HEMK1: variants seen among roughly 807,000 people sequenced by gnomAD.
HEMK1 encodes the protein HemK methyltransferase 1, mitochondrial release factors N(5)-glutamine, also known as MTRF1L release factor glutamine methyltransferase.
HEMK1 carries 36 observed loss-of-function variants against 47.9 expected under a neutral mutation model. That is an observed-to-expected ratio of 0.75 (90% CI 0.58 to 0.99). The LOEUF (loss-of-function observed/expected upper bound fraction) is 0.99, where lower values mean the gene tolerates loss of function less well. Ranked by LOEUF, HEMK1 falls within the 50% of genes least tolerant of loss-of-function variation. The probability of loss-of-function intolerance (pLI) is 0.00; values close to 1 mark genes in which losing one functional copy is unlikely to be tolerated. For synonymous variants in HEMK1, 153 were observed against 165.4 expected, an observed-to-expected ratio of 0.93 and a Z score of 0.57; for missense variants, 383 against 434.5, an observed-to-expected ratio of 0.88 and a Z score of 1.05.
rs2031640179 is a variant in HEMK1, at chr3:50,590,054, G to A, written c.*9637G>A. The stretch of plus-strand genomic sequence containing the variant: ...ACAAAAATTAGCTGGGTGTGGTGGT[G>A]GACACCTGTAATCCCAGCTACTCGG... On this transcript the variant is annotated 3_prime_UTR_variant, in exon 11 of 11. Coordinates refer to ENST00000232854, the MANE Select transcript of HEMK1 (RefSeq NM_016173.5). 6.7e-6 allele frequency: 1 copy of A among 148,696 alleles called. No individual in the cohort carries two copies. The highest frequency in any genetic ancestry group is 2.5e-5 in the African/African-American group (1 of 40,100). The allele number at this position is 148,696 out of a possible 1,614,324, so 9.2% of individuals were successfully genotyped here.
chr3:50,584,400 A>G lies in HEMK1; in HGVS notation c.*3983A>G, dbSNP rs1001194228. ...ATCACCTAAACCTTAACATGTGACT[A>G]TATTACCTTCACATAGCAAAATGGA... On this transcript the variant is annotated 3_prime_UTR_variant, in exon 11 of 11. Transcript: ENST00000232854. 2.0e-5 allele frequency: 3 copies of G among 152,268 alleles called. No individual in the cohort carries two copies. Among genetic ancestry groups the G allele is most frequent in the Admixed American group, 6.5e-5 (1 of 15,280 alleles). The allele number at this position is 152,268 out of a possible 1,614,324, so 9.4% of individuals were successfully genotyped here.
In HEMK1 at chr3:50,593,195, GCCTGGCTTAGGAAC is replaced by G. The variant is rs1225402428; in HGVS notation, c.*12783_*12796del. The G allele has an allele frequency of 2.0e-5, 3 of 152,312 alleles. No homozygotes were observed. The highest frequency in any genetic ancestry group is 7.2e-5 in the African/African-American group (3 of 41,434). The allele number at this position is 152,312 out of a possible 1,614,324, so 9.4% of individuals were successfully genotyped here. On this transcript the variant is annotated 3_prime_UTR_variant, in exon 11 of 11. Transcript: ENST00000232854. The stretch of plus-strand genomic sequence containing the variant: ...CTCCCACTCCCGATGGGAGCCTCAG[GCCTGGCTTAGGAAC>G]CCTGCCCACAGCTGTACTAATGCCC...
At chr3:50,576,958 C>G in intron 4 of HEMK1, 94 bp from the exon 5 acceptor site, 2 of 1,482,208 alleles carry the variant, frequency 1.3e-6, no homozygotes, top group Non-Finnish European at 1.8e-6. Context: ...CCTCCCCTTC[C>G]TACGTTCACA....
At position 50,580,492 on chromosome 3, in the gene HEMK1, C is replaced by G; in HGVS notation, c.*75C>G. The G allele has an allele frequency of 6.9e-7, 1 of 1,452,474 alleles. No individual in the cohort carries two copies. The highest frequency in any genetic ancestry group is 9.6e-7 in the Non-Finnish European group (1 of 1,039,074). 90.0% of individuals were successfully genotyped at this position (1,452,474 alleles called of 1,614,324 possible). On this transcript the variant is annotated 3_prime_UTR_variant, in exon 11 of 11. Coordinates refer to ENST00000232854, the MANE Select transcript of HEMK1 (RefSeq NM_016173.5). The stretch of plus-strand genomic sequence containing the variant: ...GGAGGTGGATGGCACTTTCCAGAGC[C>G]CAGGTTCTTATGGCATTTCCCAGGG...
At chr3:50,580,356 C>A (rs1192434492) in intron 10 of HEMK1, 25 bp from the exon 11 acceptor site, 5 of 1,613,968 alleles carry the variant, frequency 3.1e-6, no homozygotes, top group Non-Finnish European at 4.2e-6. Context: ...CAGGTGGTAA[C>A]CAGCCCCTGT....
chr3:50,575,060 G>C (rs1323370710), intron 4 of HEMK1, among the ~76,000 whole-genome samples: 1 of 152,162 alleles, frequency 6.6e-6, no homozygotes, highest in East Asian at 1.9e-4. Context: ...TGGCATTGGG[G>C]TGTGGGGGAG....
At position 50,577,554 on chromosome 3, in the gene HEMK1, A is replaced by G. The variant is rs770971702; in HGVS notation, c.595A>G (p.Thr199Ala). 16 of 1,613,986 alleles carry G rather than the reference A, an allele frequency of 9.9e-6. No individual in the cohort carries two copies. The South Asian group carries it at 1.8e-4, about 18-fold the overall frequency. Residue 199 changes from threonine (T) to alanine (A), a missense_variant, in exon 6 of 11, where the codon ACC becomes GCC. By Grantham distance (58) the Thr-to-Ala change is moderately conservative. Transcript: ENST00000232854. ...VDKREAAISLTHENAQRLRLQ... is the reference protein window; with the variant it reads ...VDKREAAISLAHENAQRLRLQ... ...TAAGCGGGAAGCTGCTATCTCTCTG[A>G]CCCATGAGAATGCTCAGAGGTAGGT...
chr3:50,573,201 G>A (rs1291007904), intron 4 of HEMK1, among the ~76,000 whole-genome samples: 4 of 152,138 alleles, frequency 2.6e-5, no homozygotes, highest in African/African-American at 9.7e-5. Flanking sequence ...TGAAGTCACA[G>A]GGCTGTCAAG....
chr3:50,580,515 G>C lies in HEMK1; in HGVS notation c.*98G>C, dbSNP rs1559463732. ...GCCCAGGTTCTTATGGCATTTCCCA[G>C]GGTTCTGTGATTTCCCCATGCTCTG... On this transcript the variant is annotated 3_prime_UTR_variant, in exon 11 of 11. Coordinates refer to ENST00000232854, the MANE Select transcript of HEMK1 (RefSeq NM_016173.5). 1 of 1,248,040 alleles carries C rather than the reference G, an allele frequency of 8.0e-7. No homozygotes were observed. The highest frequency in any genetic ancestry group is 1.5e-5 in the African/African-American group (1 of 67,134). The allele number at this position is 1,248,040 out of a possible 1,614,324, so 77.3% of individuals were successfully genotyped here.
At chr3:50,576,226 A>T (rs1208378117) in intron 4 of HEMK1, among the ~76,000 whole-genome samples, 1 of 152,156 alleles carries the variant, frequency 6.6e-6, no homozygotes, top group Non-Finnish European at 1.5e-5. Context: ...CTGGGGACAC[A>T]CCAGCTCCTG....
rs561132240 is a variant in HEMK1 at position 50,594,752 on chromosome 3, G to A, written c.*14335G>A. ...GGGACAACCGTGGCTTGTGTTTTCTGCCAGCTCCCAACTGAAGACTGAGCC... is the reference window on the plus strand; with the variant it reads ...GGGACAACCGTGGCTTGTGTTTTCTACCAGCTCCCAACTGAAGACTGAGCC... On this transcript the variant is annotated 3_prime_UTR_variant, in exon 11 of 11. Transcript: ENST00000232854. 6.6e-6 allele frequency: 1 copy of A among 152,298 alleles called. No homozygotes were observed. Among genetic ancestry groups the A allele is most frequent in the Admixed American group, 6.5e-5 (1 of 15,302 alleles). 9.4% of individuals were successfully genotyped at this position (152,298 alleles called of 1,614,324 possible).
In HEMK1 at chr3:50,584,017, A is replaced by T. The variant is rs1034809819; in HGVS notation, c.*3600A>T. The stretch of plus-strand genomic sequence containing the variant: ...TGGCCCACATCTGACCTGGCAGCCC[A>T]TGTATTCCGGTCATTAGGGATGGGA... On this transcript the variant is annotated 3_prime_UTR_variant, in exon 11 of 11. Transcript: ENST00000232854. The T allele has an allele frequency of 6.6e-6, 1 of 152,208 alleles. No homozygotes were observed. The highest frequency in any genetic ancestry group is 1.5e-5 in the Non-Finnish European group (1 of 68,046). The allele number at this position is 152,208 out of a possible 1,614,324, so 9.4% of individuals were successfully genotyped here.
chr3:50,580,042 C>T (rs2030546265), intron 9 of HEMK1, 74 bp from the exon 10 acceptor site: 14 of 1,532,834 alleles, frequency 9.1e-6, no homozygotes, highest in Admixed American at 5.0e-5. Flanking sequence ...ACCCTCACCT[C>T]GCCAGCCCAA....
At position 50,571,343 on chromosome 3, in the gene HEMK1, G is replaced by A. The variant is rs992734626; in HGVS notation, c.228+11G>A. 5.1e-6 allele frequency: 8 copies of A among 1,559,972 alleles called. No homozygotes were observed. Among genetic ancestry groups the A allele is most frequent in the Admixed American group, 3.6e-5 (2 of 54,826 alleles). ...CTTGGAGCCAAAACAGTTAAGTTTA[G>A]TGTTGTCAAGAGGACAGGAAGAGGG... On this transcript the variant is annotated intron_variant, in intron 2 of 10. Transcript: ENST00000232854.
Position 50,588,868 on chromosome 3 carries a change from A to C in HEMK1, c.*8451A>C, listed in dbSNP as rs1575971097. Reference sequence around the variant, plus strand: ...CTTGTTGAAGGCACTCCACAGCTCAATAACTGACCATTGCTCACTACTCTC... The same window carrying C: ...CTTGTTGAAGGCACTCCACAGCTCACTAACTGACCATTGCTCACTACTCTC... On this transcript the variant is annotated 3_prime_UTR_variant, in exon 11 of 11. Coordinates refer to ENST00000232854, the MANE Select transcript of HEMK1 (RefSeq NM_016173.5). 1 of 152,204 alleles carries C rather than the reference A, an allele frequency of 6.6e-6. No individual in the cohort carries two copies. Among genetic ancestry groups the C allele is most frequent in the East Asian group, 1.9e-4 (1 of 5,196 alleles). The allele number at this position is 152,204 out of a possible 1,614,324, so 9.4% of individuals were successfully genotyped here.
intron 2 of HEMK1, 50 bp downstream of exon 2, chr3:50,571,382 TG>T: frequency 7.2e-7 from 1 of 1,381,100 alleles, no homozygotes; most frequent in Non-Finnish European, 1.0e-6. Context: ...AGGGAGGACT[TG>T]GGGAAGGGAT....
rs2107534894 is a variant in HEMK1, at chr3:50,588,283, C to T, written c.*7866C>T. 6.6e-6 allele frequency: 1 copy of T among 152,366 alleles called. No homozygotes were observed. The highest frequency in any genetic ancestry group is 3.4e-3 in the Middle Eastern group (1 of 294). The allele number at this position is 152,366 out of a possible 1,614,324, so 9.4% of individuals were successfully genotyped here. A position where few individuals can be genotyped will look rare whatever the true frequency, so the allele number is the denominator to read the frequency against. ...CTGTTGGCACATCAGGGATCCCTTC[C>T]TTGGCCCACTGTATGGATGAAGGGA... On this transcript the variant is annotated 3_prime_UTR_variant, in exon 11 of 11. Transcript: ENST00000232854.
At position 50,571,052 on chromosome 3, in the gene HEMK1, C is replaced by T. The variant is rs977980344; in HGVS notation, c.-53C>T. 1 of 1,406,914 alleles carries T rather than the reference C, an allele frequency of 7.1e-7. No individual in the cohort carries two copies. The highest frequency in any genetic ancestry group is 9.7e-7 in the Non-Finnish European group (1 of 1,028,002). The allele number at this position is 1,406,914 out of a possible 1,614,324, so 87.2% of individuals were successfully genotyped here. On this transcript the variant is annotated 5_prime_UTR_variant, in exon 2 of 11. Transcript: ENST00000232854. Reference sequence around the variant, plus strand: ...CAGCACTCACCTCAGCAGCTGACATCATAAAGCAGACTTGGGAACCTGGAA... The same window carrying T: ...CAGCACTCACCTCAGCAGCTGACATTATAAAGCAGACTTGGGAACCTGGAA...
Position 50,591,024 on chromosome 3 carries a change from C to T in HEMK1, c.*10607C>T, listed in dbSNP as rs940201276. On this transcript the variant is annotated 3_prime_UTR_variant, in exon 11 of 11. Coordinates refer to ENST00000232854, the MANE Select transcript of HEMK1 (RefSeq NM_016173.5). Reference sequence around the variant, plus strand: ...TGTCTTCCTTCCGCTTAGTCACAGCCAAGAGCTCAGTACCTCAGCCTCCCT... The same window carrying T: ...TGTCTTCCTTCCGCTTAGTCACAGCTAAGAGCTCAGTACCTCAGCCTCCCT... The T allele has an allele frequency of 3.3e-5, 5 of 152,216 alleles. No individual in the cohort carries two copies. The highest frequency in any genetic ancestry group is 9.7e-5 in the African/African-American group (4 of 41,416). 9.4% of individuals were successfully genotyped at this position (152,216 alleles called of 1,614,324 possible).
Sources: allele counts gnomAD v4.1 joint callset (sites outside exome capture counted in the v4.1 genomes callset), GRCh38; gene constraint gnomAD v4.1.1; transcripts MANE v1.5; gene names NCBI Gene and HGNC (gene_info 2026-07-23, HGNC 2026-07-21).